Variants in FGF1 observed in about 807,000 individuals in gnomAD.
FGF1 encodes fibroblast growth factor 1.
Under a neutral mutation model 13.4 loss-of-function variants are expected in FGF1, and 9 were observed. That is an observed-to-expected ratio of 0.67 (90% confidence interval 0.40 to 1.17). FGF1 has a LOEUF of 1.17. Ranked by LOEUF, FGF1 falls within the 50% of genes most tolerant of loss-of-function variation. The pLI is 0.01. For synonymous variants in FGF1, 93 were observed against 79.0 expected, an observed-to-expected ratio of 1.18 and a Z score of -0.94; for missense variants, 156 against 192.7, an observed-to-expected ratio of 0.81 and a Z score of 1.13.
intron 2 of FGF1, among the ~76,000 whole-genome samples, chr5:142,602,144 G>A (rs2282794): frequency 0.069 from 10,493 of 151,882 alleles, 595 homozygotes; most frequent in East Asian, 0.14. Context: ...GGTAGATCTC[G>A]ACCCCTCATT....
At chr5:142,613,593 T>G (rs2151871106) in intron 2 of FGF1, among the ~76,000 whole-genome samples, 1 of 152,378 alleles carries the variant, frequency 6.6e-6, no homozygotes, top group East Asian at 1.9e-4. Flanking sequence ...CCACCATGCC[T>G]GTCTGGTTCA....
chr5:142,664,466 C>T lies in FGF1; in HGVS notation c.-35+21491G>A, dbSNP rs570617769. On this transcript the variant is annotated intron_variant, in intron 1 of 3. Transcript: ENST00000337706. ...GGGACGAATTAGATCGTGGAGGCAA[C>T]GCTCCTAGCATGGTATGGCGCTTGT... Among the ~76,000 whole-genome samples the T allele has an allele frequency of 1.2e-4, 18 of 152,344 alleles. 1 individual carries two copies. The South Asian group carries it at 1.7e-3, about 14-fold the overall frequency.
intron 1 of FGF1, among the ~76,000 whole-genome samples, chr5:142,623,021 T>C (rs1296214635): frequency 6.6e-6 from 1 of 152,280 alleles, no homozygotes; most frequent in Non-Finnish European, 1.5e-5. Context: ...ATTTTACTAT[T>C]ATTAAACCAT....
At chr5:142,684,031 T>C (rs17216825) in intron 1 of FGF1, among the ~76,000 whole-genome samples, 27 of 152,162 alleles carry the variant, frequency 1.8e-4, no homozygotes, top group Admixed American at 9.8e-4. Context: ...ACTTTCTTAA[T>C]AAAAAGAAAG....
At chr5:142,675,258 C>A (rs558111131) in intron 1 of FGF1, among the ~76,000 whole-genome samples, 5 of 152,220 alleles carry the variant, frequency 3.3e-5, no homozygotes, top group African/African-American at 1.2e-4. Context: ...AATCTTCAGG[C>A]CTTAATGAGA....
At chr5:142,664,720 T>C (rs1216249376) in intron 1 of FGF1, among the ~76,000 whole-genome samples, 1 of 152,200 alleles carries the variant, frequency 6.6e-6, no homozygotes, top group Non-Finnish European at 1.5e-5. Flanking sequence ...TGTCCAGGGA[T>C]TTCCTCTTCT....
intron 2 of FGF1, among the ~76,000 whole-genome samples, chr5:142,692,316 GAC>G (rs1752351289): frequency 6.6e-6 from 1 of 152,152 alleles, no homozygotes; most frequent in South Asian, 2.1e-4. Flanking sequence ...CAGCCTGGAT[GAC>G]AGAGAAAGAC....
At chr5:142,636,490 G>A (rs1764272211) in intron 1 of FGF1, among the ~76,000 whole-genome samples, 1 of 152,222 alleles carries the variant, frequency 6.6e-6, no homozygotes, top group Non-Finnish European at 1.5e-5. Flanking sequence ...TATTCAGTGA[G>A]TACCTACTAT....
chr5:142,647,070 T>C (rs1258582741), intron 1 of FGF1, among the ~76,000 whole-genome samples: 1 of 152,028 alleles, frequency 6.6e-6, no homozygotes, highest in Non-Finnish European at 1.5e-5. Context: ...AGAAAAGTGG[T>C]GAAGAGAGGG....
intron 1 of FGF1, among the ~76,000 whole-genome samples, chr5:142,637,254 G>T (rs1243128907): frequency 2.0e-5 from 3 of 151,772 alleles, no homozygotes; most frequent in Non-Finnish European, 4.4e-5. Flanking sequence ...AACAAGATGT[G>T]CTGCTTTGAG....
intron 1 of FGF1, among the ~76,000 whole-genome samples, chr5:142,673,765 G>T (rs1471173816): frequency 6.6e-6 from 1 of 152,108 alleles, no homozygotes; most frequent in African/African-American, 2.4e-5. Context: ...CCACTCAGGG[G>T]TCCACCTTCT....
At chr5:142,668,818 A>C (rs895327633) in intron 1 of FGF1, among the ~76,000 whole-genome samples, 2 of 152,236 alleles carry the variant, frequency 1.3e-5, no homozygotes, top group Non-Finnish European at 2.9e-5. Flanking sequence ...CCTTGAAAGA[A>C]GGTGAGAAGC....
chr5:142,631,012 CA>C (rs1280285500), intron 1 of FGF1, among the ~76,000 whole-genome samples: 1 of 152,180 alleles, frequency 6.6e-6, no homozygotes, highest in African/African-American at 2.4e-5. Context: ...GCGCAGCCCT[CA>C]AACGATGGCC....
chr5:142,663,023 C>T (rs748590199), intron 1 of FGF1, among the ~76,000 whole-genome samples: 11 of 152,002 alleles, frequency 7.2e-5, no homozygotes, highest in Non-Finnish European at 1.3e-4. Context: ...GGGGTCTTGC[C>T]GTGTTGCCCA....
chr5:142,660,070 C>T (rs1229454709), intron 1 of FGF1, among the ~76,000 whole-genome samples: 2 of 152,246 alleles, frequency 1.3e-5, no homozygotes, highest in South Asian at 2.1e-4. Context: ...CAGTGTCACA[C>T]GTTTTCTCAC....
chr5:142,684,730 C>A (rs1163348457), intron 1 of FGF1, among the ~76,000 whole-genome samples: 1 of 152,276 alleles, frequency 6.6e-6, no homozygotes, highest in Non-Finnish European at 1.5e-5. Context: ...CTAGACATCA[C>A]TTCCCAAAGC....
At chr5:142,619,645 C>T (rs777284115) in intron 1 of FGF1, among the ~76,000 whole-genome samples, 50 of 152,092 alleles carry the variant, frequency 3.3e-4, no homozygotes, top group Admixed American at 2.1e-3. Flanking sequence ...ACCAGCCTGA[C>T]GAACATGGAG....
rs1327155192 is a variant in FGF1 at position 142,593,808 on chromosome 5, A to C, written c.*1482T>G. The C allele has an allele frequency of 6.6e-6, 1 of 152,638 alleles. No individual in the cohort carries two copies. Among genetic ancestry groups the C allele is most frequent in the Non-Finnish European group, 1.5e-5 (1 of 68,036 alleles). 9.5% of individuals were successfully genotyped at this position (152,638 alleles called of 1,614,324 possible). ...ACATACAGTCTCACAGTAAATTTCA[A>C]TGACTTATTAAAGGCCTTTACATGG... On this transcript the variant is annotated 3_prime_UTR_variant, in exon 4 of 4. Coordinates refer to ENST00000337706, the MANE Select transcript of FGF1 (RefSeq NM_000800.5).
At chr5:142,633,683 A>C (rs1192048957) in intron 1 of FGF1, among the ~76,000 whole-genome samples, 5 of 152,224 alleles carry the variant, frequency 3.3e-5, no homozygotes, top group Non-Finnish European at 7.3e-5. Flanking sequence ...CCACTGCAGC[A>C]TTGGCTGAAA....
Sources: allele counts gnomAD v4.1 joint callset (sites outside exome capture counted in the v4.1 genomes callset), GRCh38; gene constraint gnomAD v4.1.1; transcripts MANE v1.5; gene names NCBI Gene and HGNC (gene_info 2026-07-23, HGNC 2026-07-21).